The following PTPRG variants were observed in gnomAD, a reference collection of about 807,000 sequenced individuals.
The protein encoded by PTPRG is receptor-type tyrosine-protein phosphatase gamma.
In PTPRG, 102 loss-of-function variants were observed where a neutral mutation model predicts 165.3. The ratio of observed to expected loss-of-function variants is 0.62; its 90% confidence interval spans 0.53 to 0.73. The LOEUF (loss-of-function observed/expected upper bound fraction) is 0.73. PTPRG is among the 30% of genes least tolerant of loss of function. The probability of loss-of-function intolerance (pLI) is 0.00; values close to 1 mark genes in which losing one functional copy is unlikely to be tolerated. For synonymous variants in PTPRG, 675 were observed against 669.5 expected (o/e 1.01, Z -0.13); for missense variants, 1,866 against 1,861.4 (o/e 1.00, Z -0.05).
intron 8 of PTPRG, among the ~76,000 whole-genome samples, chr3:62,186,584 T>TTTTTG (rs1705897860): frequency 6.7e-6 from 1 of 148,192 alleles, no homozygotes; most frequent in South Asian, 2.1e-4. Flanking sequence ...TTTTTTTTTT[T>TTTTTG]GAGATAGGGT....
chr3:62,152,639 C>G (rs1192990681), intron 6 of PTPRG, among the ~76,000 whole-genome samples: 1 of 152,182 alleles, frequency 6.6e-6, no homozygotes, highest in African/African-American at 2.4e-5. Context: ...TCAGAAAGAT[C>G]ACTGCAAACT....
intron 1 of PTPRG, among the ~76,000 whole-genome samples, chr3:61,632,042 C>T (rs1315350155): frequency 6.6e-6 from 1 of 152,180 alleles, no homozygotes; most frequent in African/African-American, 2.4e-5. Flanking sequence ...CCGTGGCTCA[C>T]ACCTATAATC....
At chr3:61,712,143 C>G (rs2031593377) in intron 1 of PTPRG, among the ~76,000 whole-genome samples, 1 of 152,138 alleles carries the variant, frequency 6.6e-6, no homozygotes, top group Admixed American at 6.5e-5. Context: ...ACCCGCCTGC[C>G]TTGGCCTCCC....
intron 8 of PTPRG, among the ~76,000 whole-genome samples, chr3:62,170,255 A>AG (rs1705166451): frequency 6.6e-6 from 1 of 152,148 alleles, no homozygotes; most frequent in Admixed American, 6.6e-5. Flanking sequence ...CTAGTTAAAA[A>AG]AAAATGAAGA....
intron 4 of PTPRG, among the ~76,000 whole-genome samples, chr3:62,070,938 AAAAAAAAAAG>A (rs1177647195): frequency 1.3e-5 from 2 of 149,146 alleles, no homozygotes; most frequent in African/African-American, 4.9e-5. Context: ...AGTATAATTA[AAAAAAAAAAG>A]AAAAAAAAAG....
intron 4 of PTPRG, among the ~76,000 whole-genome samples, chr3:62,064,721 A>AT (rs35605831): frequency 0.016 from 976 of 62,922 alleles, 74 homozygotes; most frequent in African/African-American, 0.031. Context: ...GGTTATTTGG[A>AT]TTTTTTTTTT....
intron 1 of PTPRG, among the ~76,000 whole-genome samples, chr3:61,715,008 A>G (rs910391360): frequency 6.6e-6 from 1 of 152,176 alleles, no homozygotes; most frequent in Non-Finnish European, 1.5e-5. Flanking sequence ...GGAAGTTTAC[A>G]GAAGCTCCCA....
At chr3:62,079,460 T>A (rs1701494253) in intron 5 of PTPRG, among the ~76,000 whole-genome samples, 2 of 152,154 alleles carry the variant, frequency 1.3e-5, no homozygotes, top group Non-Finnish European at 2.9e-5. Context: ...TAATATAGAA[T>A]AGGAAATAAG....
chr3:61,705,993 C>G (rs1370112921), intron 1 of PTPRG, among the ~76,000 whole-genome samples: 2 of 152,164 alleles, frequency 1.3e-5, no homozygotes, highest in Non-Finnish European at 2.9e-5. Flanking sequence ...TTCATGTGCC[C>G]TAAGGGACAG....
rs1341876695 is a variant in PTPRG at position 62,210,107 on chromosome 3, ATTGT to A, written c.2155+6161_2155+6164del. ...ATAGAGATGACAGACCATCATTTTG[ATTGT>A]TTGAGTCTGGTGAATTAAGCTCTGC... On this transcript the variant is annotated intron_variant, in intron 12 of 29. Coordinates refer to ENST00000474889, the MANE Select transcript of PTPRG (RefSeq NM_002841.4). The surrounding 1 kb of genome is among the most constrained non-coding windows in gnomAD (Gnocchi z 4.1). 2.0e-5 allele frequency among the ~76,000 whole-genome samples: 3 copies of A among 152,110 alleles called. No individual in the cohort carries two copies. The highest frequency in any genetic ancestry group is 2.9e-5 in the Non-Finnish European group (2 of 68,036).
At chr3:62,104,913 AG>A (rs1702419951) in intron 5 of PTPRG, among the ~76,000 whole-genome samples, 1 of 152,218 alleles carries the variant, frequency 6.6e-6, no homozygotes, top group Non-Finnish European at 1.5e-5. Flanking sequence ...CTAGAAGTGT[AG>A]TAATCAAAAC....
At chr3:61,790,563 A>G (rs542530831) in intron 2 of PTPRG, among the ~76,000 whole-genome samples, 61 of 152,346 alleles carry the variant, frequency 4.0e-4, no homozygotes, top group South Asian at 1.7e-3. Flanking sequence ...CTTCTTGGCT[A>G]AGTTTGTGTA....
chr3:62,274,655 T>A (rs1331725027), intron 23 of PTPRG, among the ~76,000 whole-genome samples: 1 of 152,204 alleles, frequency 6.6e-6, no homozygotes, highest in East Asian at 1.9e-4. Context: ...ACTGAAACTT[T>A]CATTTGAATC....
chr3:62,189,868 G>T (rs1699764223), intron 8 of PTPRG, among the ~76,000 whole-genome samples: 1 of 152,152 alleles, frequency 6.6e-6, no homozygotes, highest in South Asian at 2.1e-4. Context: ...TCTCACTGCA[G>T]CTACACCTGT....
intron 8 of PTPRG, among the ~76,000 whole-genome samples, chr3:62,179,315 G>C (rs1049539754): frequency 1.3e-5 from 2 of 152,160 alleles, no homozygotes; most frequent in African/African-American, 4.8e-5. Context: ...TCACTCCTGG[G>C]CAACTCTCTT....
chr3:61,639,469 G>T (rs1353423602), intron 1 of PTPRG, among the ~76,000 whole-genome samples: 1 of 152,112 alleles, frequency 6.6e-6, no homozygotes, highest in Non-Finnish European at 1.5e-5. Context: ...AGTTTGATAG[G>T]AATAGTGTTA....
rs2148875742 is a variant in PTPRG, at chr3:62,273,215, C to T, written c.3318+134C>T. ...TTACAGGTTTGTATTAGAAGATATT[C>T]TGACAATGATCCTATTCTACGGATC... On this transcript the variant is annotated intron_variant, in intron 22 of 29. Coordinates refer to ENST00000474889, the MANE Select transcript of PTPRG (RefSeq NM_002841.4). This position sits in a 1 kb window ranked among gnomAD's most constrained non-coding sequence, Gnocchi z 4.1. 9.9e-7 allele frequency: 1 copy of T among 1,013,066 alleles called. No individual in the cohort carries two copies. The highest frequency in any genetic ancestry group is 2.8e-5 in the East Asian group (1 of 36,082). 62.8% of individuals were successfully genotyped at this position (1,013,066 alleles called of 1,614,324 possible).
At chr3:61,982,687 C>T (rs2040668591) in intron 2 of PTPRG, among the ~76,000 whole-genome samples, 1 of 152,128 alleles carries the variant, frequency 6.6e-6, no homozygotes, top group Non-Finnish European at 1.5e-5. Context: ...TTAATACCCT[C>T]CTTTTCCAGA....
chr3:62,053,061 G>T (rs963110199), intron 4 of PTPRG, among the ~76,000 whole-genome samples: 7 of 151,664 alleles, frequency 4.6e-5, no homozygotes, highest in African/African-American at 1.7e-4. Flanking sequence ...TTTCAATAGT[G>T]TTTGACAAAA....
Sources: gnomAD v4.1 joint callset for allele counts (sites outside exome capture counted in the v4.1 genomes callset) on GRCh38, gnomAD v4.1.1 for gene constraint, Gnocchi (gnomAD v3.1) non-coding constraint, MANE v1.5 for transcripts, NCBI Gene and HGNC (gene_info 2026-07-23, HGNC 2026-07-21) for gene names.